Variants in SFXN4 observed in about 807,000 individuals in gnomAD.
SFXN4 encodes sideroflexin 4, also known as sideroflexin-4.
Under a neutral mutation model 54.6 loss-of-function variants are expected in SFXN4, and 48 were observed. The ratio of observed to expected loss-of-function variants is 0.88; its 90% confidence interval spans 0.70 to 1.12. SFXN4 has a LOEUF of 1.12. Ranked by LOEUF, SFXN4 falls within the 50% of genes most tolerant of loss-of-function variation. The probability of loss-of-function intolerance (pLI) is 0.00; values close to 1 mark genes in which losing one functional copy is unlikely to be tolerated. For missense variants in SFXN4, 383 were observed against 409.2 expected (o/e 0.94, Z 0.55); for synonymous variants, 130 against 145.5 (o/e 0.89, Z 0.77).
intron 13 of SFXN4, among the ~76,000 whole-genome samples, chr10:119,142,556 T>TC (rs2133561110): frequency 6.9e-6 from 1 of 144,290 alleles, no homozygotes; most frequent in East Asian, 2.0e-4. Context: ...CTTTTTTTTT[T>TC]TTTTTTTTAA....
chr10:119,162,472 CA>C, intron 2 of SFXN4, 58 bp from the exon 3 acceptor site: 1 of 1,450,006 alleles, frequency 6.9e-7, no homozygotes, highest in South Asian at 1.2e-5. Context: ...GGTTTATCCC[CA>C]GAGGTAGGAA....
intron 13 of SFXN4, among the ~76,000 whole-genome samples, chr10:119,144,631 C>T (rs1846711482): frequency 1.3e-5 from 2 of 152,058 alleles, no homozygotes; most frequent in Non-Finnish European, 2.9e-5. Context: ...ATCTTCAGCT[C>T]TCTTTAACAG....
At chr10:119,164,991 G>A (rs920613233) in intron 1 of SFXN4, among the ~76,000 whole-genome samples, 3 of 149,786 alleles carry the variant, frequency 2.0e-5, no homozygotes, top group African/African-American at 7.4e-5. Context: ...GCACCTGCTA[G>A]GCTAAATGTA....
At position 119,147,729 on chromosome 10, in the gene SFXN4, A is replaced by G; in HGVS notation, c.818+46T>C. 1.9e-6 allele frequency: 3 copies of G among 1,549,558 alleles called. No individual in the cohort carries two copies. In the South Asian group the frequency reaches 3.3e-5, roughly 17 times the overall value. ...TCAGTATCTGACAGGTTTTATAAGG[A>G]TTTGACTTTCAAATCCCTACCTGGG... On this transcript the variant is annotated intron_variant, in intron 12 of 13. Coordinates refer to ENST00000355697, the MANE Select transcript of SFXN4 (RefSeq NM_213649.2).
chr10:119,162,191 T>C (rs1589649538), intron 3 of SFXN4, 149 bp downstream of exon 3: 2 of 649,864 alleles, frequency 3.1e-6, no homozygotes, highest in East Asian at 2.7e-5. Context: ...ACAGCATTAA[T>C]AGCCAATAGA....
rs2133609807 is a variant in SFXN4, at chr10:119,157,680, TGAA to T, written c.522_524del (p.Ser175del). The T allele has an allele frequency of 6.2e-7, 1 of 1,603,644 alleles. No individual in the cohort carries two copies. Among genetic ancestry groups the T allele is most frequent in the Non-Finnish European group, 8.5e-7 (1 of 1,176,406 alleles). ...TAAAAATACCTACTCCTAAGAAAGTTGAAGAAGCAACGGCTCCCGCCATTAGTA... is the reference window on the plus strand; with the variant it reads ...TAAAAATACCTACTCCTAAGAAAGTTGAAGCAACGGCTCCCGCCATTAGTA... On this transcript the variant is annotated inframe_deletion, in exon 9 of 14. Transcript: ENST00000355697.
At chr10:119,144,872 A>G (rs1846721718) in intron 13 of SFXN4, among the ~76,000 whole-genome samples, 1 of 152,210 alleles carries the variant, frequency 6.6e-6, no homozygotes, top group Non-Finnish European at 1.5e-5. Context: ...CATGGCTACC[A>G]TAATTGGACA....
intron 11 of SFXN4, among the ~76,000 whole-genome samples, chr10:119,150,031 T>C (rs1846993721): frequency 6.6e-6 from 1 of 152,180 alleles, no homozygotes; most frequent in African/African-American, 2.4e-5. Flanking sequence ...CAGATATTGC[T>C]GGTTACGCAG....
At chr10:119,153,090 TCAG>T (rs1316095461) in intron 11 of SFXN4, among the ~76,000 whole-genome samples, 13 of 152,226 alleles carry the variant, frequency 8.5e-5, no homozygotes, top group African/African-American at 3.1e-4. Flanking sequence ...CTGAATGCAC[TCAG>T]TAGTCACTGT....
intron 11 of SFXN4, among the ~76,000 whole-genome samples, chr10:119,151,548 C>T (rs1270972867): frequency 1.3e-5 from 2 of 151,874 alleles, no homozygotes; most frequent in African/African-American, 4.8e-5. Flanking sequence ...CAGAGTCTTT[C>T]TCTGTCACCC....
At chr10:119,155,262 C>T in intron 10 of SFXN4, 85 bp from the exon 11 acceptor site, 1 of 909,694 alleles carries the variant, frequency 1.1e-6, no homozygotes, top group Admixed American at 1.9e-5. Flanking sequence ...TGTCTGCCCC[C>T]TGCAAGCCTC....
chr10:119,146,228 G>A lies in SFXN4; in HGVS notation c.936+8C>T, dbSNP rs376929555. The A allele has an allele frequency of 2.8e-5, 40 of 1,453,644 alleles. No homozygotes were observed. The highest frequency in any genetic ancestry group is 2.3e-5 in the East Asian group (1 of 44,034). The allele number at this position is 1,453,644 out of a possible 1,614,324, so 90.0% of individuals were successfully genotyped here. On this transcript the variant is annotated splice_region_variant and intron_variant, in intron 13 of 13. Coordinates refer to ENST00000355697, the MANE Select transcript of SFXN4 (RefSeq NM_213649.2). ...ACTTTGAGAGAAAAGAGGAATGGGG[G>A]CACTTACCTGTCCAATCTGTGGAAA... is the stretch of plus-strand genomic sequence containing the variant.
chr10:119,145,416 G>A (rs938411824), intron 13 of SFXN4, among the ~76,000 whole-genome samples: 3 of 149,994 alleles, frequency 2.0e-5, no homozygotes, highest in Non-Finnish European at 3.0e-5. Context: ...CCAGGTTCAA[G>A]CGATTCTCCT....
rs1172777682 is a variant in SFXN4 at position 119,146,315 on chromosome 10, A to G, written c.857T>C (p.Ile286Thr). Residue 286 changes from isoleucine (I) to threonine (T), a missense_variant, in exon 13 of 14, where the codon ATT (isoleucine) becomes ACT (threonine). Ile to Thr is a moderately conservative substitution (Grantham distance 89). Coordinates refer to ENST00000355697, the MANE Select transcript of SFXN4 (RefSeq NM_213649.2). ...YFRKNPGSLW[I>T]LKLSCTVLAM... Reference sequence around the variant, plus strand: ...CAGGACAGTACAAGACAGTTTCAAAATCCACAATGACCCTGGGTTTTTCCT... The same window carrying G: ...CAGGACAGTACAAGACAGTTTCAAAGTCCACAATGACCCTGGGTTTTTCCT... 2.5e-6 allele frequency: 4 copies of G among 1,613,722 alleles called. 1 individual carries two copies. The South Asian group carries it at 4.4e-5, about 18-fold the overall frequency.
At position 119,161,136 on chromosome 10, in the gene SFXN4, A is replaced by G. The variant is rs958553568; in HGVS notation, c.253-55T>C. The G allele has an allele frequency of 3.4e-4, 542 of 1,586,936 alleles. 3 individuals are homozygous for G. Among genetic ancestry groups the G allele is most frequent in the African/African-American group, 1.3e-5 (1 of 74,278 alleles). On this transcript the variant is annotated intron_variant, in intron 3 of 13. Coordinates refer to ENST00000355697, the MANE Select transcript of SFXN4 (RefSeq NM_213649.2). ...TCATTTTAAATTTTTTTTAAGAGAC[A>G]AGGTCTTGCTCTGTCACCCAGGGCT...
chr10:119,144,481 G>C (rs1846700232), intron 13 of SFXN4, among the ~76,000 whole-genome samples: 1 of 151,832 alleles, frequency 6.6e-6, no homozygotes, highest in South Asian at 2.1e-4. Flanking sequence ...GCTAATATCT[G>C]CTAGCATCAG....
At position 119,165,674 on chromosome 10, in the gene SFXN4, C is replaced by T; in HGVS notation, c.-27G>A. ...TTGCGCTGGTTAGAGTGGCCGCCGC[C>T]GCCAGGCCGCGCGTGGAGGAGGAGC... On this transcript the variant is annotated 5_prime_UTR_variant, in exon 1 of 14. Transcript: ENST00000355697. 6.6e-7 allele frequency: 1 copy of T among 1,514,622 alleles called. No individual in the cohort carries two copies. The highest frequency in any genetic ancestry group is 8.8e-7 in the Non-Finnish European group (1 of 1,135,740). 93.8% of individuals were successfully genotyped at this position (1,514,622 alleles called of 1,614,324 possible).
At chr10:119,159,642 G>A in intron 6 of SFXN4, 86 bp downstream of exon 6, 1 of 1,418,768 alleles carries the variant, frequency 7.0e-7, no homozygotes, top group Non-Finnish European at 1.0e-6. Flanking sequence ...GGGGTCCGGA[G>A]CTGGAGGGAC....
rs747282264 is a variant in SFXN4, at chr10:119,147,847, G to A, written c.746C>T (p.Thr249Met). The change falls in exon 12 of 14, where the codon ACG (threonine) becomes ATG (methionine). Residue 249 changes from threonine to methionine, a missense_variant. Thr to Met is a moderately conservative substitution (Grantham distance 81). Transcript: ENST00000355697. ...AAACAGCACTATTCTGGATGCTAGC[G>A]TTTCTCTAACAGCCTAGCAAAAATG... ...RIAGTKAVRE[T>M]LASRIVLFGT... is the part of the protein sequence containing the mutation. 18 of 1,613,832 alleles carry A rather than the reference G, an allele frequency of 1.1e-5. No homozygotes were observed. The highest frequency in any genetic ancestry group is 5.0e-5 in the Admixed American group (3 of 59,978).
Sources: gnomAD v4.1 joint callset for allele counts (sites outside exome capture counted in the v4.1 genomes callset) on GRCh38, gnomAD v4.1.1 for gene constraint, MANE v1.5 for transcripts, NCBI Gene and HGNC (gene_info 2026-07-23, HGNC 2026-07-21) for gene names.